Variants in MECOM observed in about 807,000 individuals in gnomAD.
MECOM encodes the protein MDS1 and EVI1 complex locus.
MECOM carries 13 observed loss-of-function variants against 116.3 expected under a neutral mutation model. That is an observed-to-expected ratio of 0.11 (90% CI 0.07 to 0.18). MECOM has a LOEUF of 0.18. MECOM is among the 10% of genes least tolerant of loss of function. The pLI is 1.00. For synonymous variants in MECOM, 528 were observed against 535.2 expected, an observed-to-expected ratio of 0.99 and a Z score of 0.19; for missense variants, 1,299 against 1,509.0, an observed-to-expected ratio of 0.86 and a Z score of 2.31.
chr3:169,425,099 A>AC (rs5854331), intron 1 of MECOM, among the ~76,000 whole-genome samples: 62,313 of 146,974 alleles, frequency 0.42, 13,683 homozygotes, highest in East Asian at 0.76. Context: ...ATTTGCAGAA[A>AC]CCCCCCCCCA....
intron 1 of MECOM, among the ~76,000 whole-genome samples, chr3:169,565,033 A>G (rs528170237): frequency 1.3e-5 from 2 of 152,266 alleles, no homozygotes; most frequent in African/African-American, 4.8e-5. Flanking sequence ...TAAGTGTTTC[A>G]TCTCATACAA....
At chr3:169,106,483 C>A (rs1203661716) in intron 10 of MECOM, among the ~76,000 whole-genome samples, 1 of 152,026 alleles carries the variant, frequency 6.6e-6, no homozygotes, top group Non-Finnish European at 1.5e-5. Flanking sequence ...AAATTATAAA[C>A]ATATATCTTT....
chr3:169,137,917 T>G (rs1185704327), intron 3 of MECOM, among the ~76,000 whole-genome samples: 2 of 152,098 alleles, frequency 1.3e-5, no homozygotes, highest in Non-Finnish European at 2.9e-5. Context: ...TGAGGGTCTA[T>G]CTACAGACCC....
chr3:169,482,424 C>T (rs925327723), intron 1 of MECOM, among the ~76,000 whole-genome samples: 6 of 150,388 alleles, frequency 4.0e-5, no homozygotes, highest in South Asian at 2.1e-4. Flanking sequence ...CTCCACCTTC[C>T]GGGTTCAAGC....
intron 1 of MECOM, among the ~76,000 whole-genome samples, chr3:169,433,637 AAGAGAAAG>A (rs1742046927): frequency 2.3e-5 from 2 of 87,482 alleles, no homozygotes; most frequent in South Asian, 8.3e-4. Flanking sequence ...AAGAAAGAGA[AAGAGAAAG>A]AAAGAAAGAA....
chr3:169,541,617 C>T (rs1057428023), intron 1 of MECOM, among the ~76,000 whole-genome samples: 20 of 152,210 alleles, frequency 1.3e-4, no homozygotes, highest in Admixed American at 1.2e-3. Context: ...TGGCCCAGGA[C>T]GGCTCAGTGC....
At chr3:169,247,624 A>G (rs1269489140) in intron 2 of MECOM, among the ~76,000 whole-genome samples, 2 of 152,196 alleles carry the variant, frequency 1.3e-5, no homozygotes, top group Admixed American at 1.3e-4. Flanking sequence ...TTATTCAAGG[A>G]TTAATAAAGC....
intron 3 of MECOM, chr3:169,134,035 A>G: frequency 1.1e-6 from 1 of 945,646 alleles, no homozygotes; most frequent in East Asian, 6.1e-5. Context: ...GGTTAAAGAG[A>G]CAATACCCTA....
chr3:169,379,795 C>G (rs570103105), intron 2 of MECOM, among the ~76,000 whole-genome samples: 1 of 152,168 alleles, frequency 6.6e-6, no homozygotes, highest in East Asian at 1.9e-4. Flanking sequence ...ATGTTTATAG[C>G]CATTATTTTA....
At chr3:169,602,675 A>G (rs1767968627) in intron 1 of MECOM, among the ~76,000 whole-genome samples, 1 of 152,224 alleles carries the variant, frequency 6.6e-6, no homozygotes, top group South Asian at 2.1e-4. Flanking sequence ...AGGACTTCTG[A>G]CGTATACCAA....
chr3:169,550,537 G>A (rs145477250), intron 1 of MECOM, among the ~76,000 whole-genome samples: 28 of 152,172 alleles, frequency 1.8e-4, no homozygotes, highest in African/African-American at 6.5e-4. Context: ...GAGGTGTGCT[G>A]GTAAATTTCA....
At chr3:169,636,943 C>G (rs1261156856) in intron 1 of MECOM, among the ~76,000 whole-genome samples, 1 of 152,036 alleles carries the variant, frequency 6.6e-6, no homozygotes, top group Non-Finnish European at 1.5e-5. Flanking sequence ...AAAATGCCAC[C>G]CTATCCACCT....
chr3:169,136,024 T>C (rs1214037042), intron 3 of MECOM, among the ~76,000 whole-genome samples: 1 of 151,784 alleles, frequency 6.6e-6, no homozygotes, highest in Non-Finnish European at 1.5e-5. Context: ...ATATTATACA[T>C]GTATATAGAA....
At chr3:169,297,790 A>C (rs1336111361) in intron 2 of MECOM, among the ~76,000 whole-genome samples, 1 of 152,236 alleles carries the variant, frequency 6.6e-6, no homozygotes, top group Non-Finnish European at 1.5e-5. Flanking sequence ...ATTCTTCCTC[A>C]TGGCAAATGT....
intron 1 of MECOM, among the ~76,000 whole-genome samples, chr3:169,635,699 A>T (rs1191925941): frequency 6.6e-6 from 1 of 152,250 alleles, no homozygotes; most frequent in African/African-American, 2.4e-5. Flanking sequence ...TCTGGCTGTC[A>T]GTGTGCTTCT....
chr3:169,602,140 C>T (rs11715954), intron 1 of MECOM, among the ~76,000 whole-genome samples: 96,438 of 151,788 alleles, frequency 0.64, 30,914 homozygotes, highest in East Asian at 0.74. Context: ...CAGAGATATA[C>T]TCTGATTTGA....
At position 169,102,140 on chromosome 3, in the gene MECOM, G is replaced by T. The variant is rs780068356; in HGVS notation, c.2691C>A (p.Pro897=). The part of the protein sequence containing the change: ...PEASELLQSV[P]SMFNFRAPPN... ...GAGGCGCCCTGAAGTTGAACATAGAGGGCACTGACTGTAAGAGCTCACTGG... is the reference window on the plus strand; with the variant it reads ...GAGGCGCCCTGAAGTTGAACATAGATGGCACTGACTGTAAGAGCTCACTGG... The change falls in exon 11 of 17, where the codon CCC becomes CCA. Residue 897 remains proline, a synonymous_variant. Transcript: ENST00000651503. 6.2e-7 allele frequency: 1 copy of T among 1,613,934 alleles called. No individual in the cohort carries two copies.
intron 1 of MECOM, among the ~76,000 whole-genome samples, chr3:169,660,166 G>A (rs1347495614): frequency 6.6e-6 from 1 of 152,148 alleles, no homozygotes; most frequent in East Asian, 1.9e-4. Context: ...CACGGCCCAG[G>A]TGCTGTCCTA....
At chr3:169,454,621 T>C (rs2108688117) in intron 1 of MECOM, among the ~76,000 whole-genome samples, 1 of 152,310 alleles carries the variant, frequency 6.6e-6, no homozygotes, top group South Asian at 2.1e-4. Flanking sequence ...TCATGATCTT[T>C]ATTTTGGTGT....
Sources: allele counts gnomAD v4.1 joint callset (sites outside exome capture counted in the v4.1 genomes callset), GRCh38; gene constraint gnomAD v4.1.1; transcripts MANE v1.5; gene names NCBI Gene and HGNC (gene_info 2026-07-23, HGNC 2026-07-21).